The following SHOX variants were observed in gnomAD, a reference collection of about 807,000 sequenced individuals.
SHOX encodes the protein short stature homeobox protein.
In SHOX, 12 loss-of-function variants were observed where a neutral mutation model predicts 29.6. The observed-to-expected ratio is 0.41, with a 90% CI of 0.26 to 0.66. The LOEUF (loss-of-function observed/expected upper bound fraction) is 0.66, where lower values mean the gene tolerates loss of function less well. Ranked by LOEUF, SHOX falls within the 30% of genes least tolerant of loss-of-function variation. The pLI, the probability that SHOX is intolerant of heterozygous loss-of-function variation, is 0.35. For missense variants in SHOX, 499 were observed against 437.7 expected (o/e 1.14, Z -1.25); for synonymous variants, 214 against 200.6 (o/e 1.07, Z -0.57).
chrX:634,694 G>C lies in SHOX; in HGVS notation c.354G>C (p.Arg118Ser). The change falls in exon 2 of 5, where the codon AGG (arginine) becomes AGC (serine). Residue 118 changes from arginine (R) to serine (S), a missense_variant. Arg to Ser is a moderately radical substitution (Grantham distance 110). Transcript: ENST00000686671. ...DEDGQTKLKQRRSRTNFTLEQ... is the reference protein window; with the variant it reads ...DEDGQTKLKQSRSRTNFTLEQ... ...ACGGGCAGACCAAGCTGAAACAGAG[G>C]CGCAGCCGCACCAACTTCACGCTGG... 6.2e-7 allele frequency: 1 copy of C among 1,613,898 alleles called. No individual in the cohort carries two copies.
Position 645,381 on chromosome X carries a change from T to C in SHOX, c.*745T>C, listed in dbSNP as rs373739141. ...TCCCAAATTGGGTCTGGTTTTGTTT[T>C]GGATTGGTATTTTTTTTTTTTTTTT... On this transcript the variant is annotated 3_prime_UTR_variant, in exon 5 of 5. Transcript: ENST00000686671. 6.1e-5 allele frequency: 9 copies of C among 147,398 alleles called. No individual in the cohort carries two copies. The highest frequency in any genetic ancestry group is 2.2e-4 in the African/African-American group (9 of 40,146). 9.1% of individuals were successfully genotyped at this position (147,398 alleles called of 1,614,324 possible).
At chrX:635,268 G>T in intron 2 of SHOX, among the ~76,000 whole-genome samples, 1 of 152,038 alleles carries the variant, frequency 6.6e-6, no homozygotes, top group East Asian at 1.9e-4. Flanking sequence ...AGCTACAGAT[G>T]CGTTTGATCC....
upstream of SHOX, among the ~76,000 whole-genome samples, chrX:626,452 T>A (rs1390260338): frequency 7.4e-6 from 1 of 135,668 alleles, no homozygotes; most frequent in East Asian, 2.1e-4. Context: ...TTTTTCTCTT[T>A]CTCTGTATCT....
At position 649,816 on chromosome X, in the gene SHOX, C is replaced by T. The variant is rs1461929833; in HGVS notation, c.*5180C>T. The stretch of plus-strand genomic sequence containing the variant: ...TCTCCCCAAAACTTGGCCAAATAGT[C>T]CGTGGAGGGTTGTCAGTCGCCGCAG... On this transcript the variant is annotated 3_prime_UTR_variant, in exon 5 of 5. Transcript: ENST00000686671. 1 of 437,130 alleles carries T rather than the reference C, an allele frequency of 2.3e-6. No homozygotes were observed. The highest frequency in any genetic ancestry group is 4.6e-6 in the Non-Finnish European group (1 of 218,174). 27.1% of individuals were successfully genotyped at this position (437,130 alleles called of 1,614,324 possible).
chrX:641,563 C>T (rs1040660442), intron 4 of SHOX, among the ~76,000 whole-genome samples: 84 of 152,138 alleles, frequency 5.5e-4, no homozygotes, highest in Middle Eastern at 6.8e-3. Context: ...GTGGTGCACA[C>T]CTGTGATCCC....
rs1569495686 is a variant in SHOX, at chrX:648,911, T to TTCCTTC, written c.*4275_*4276insTCCTTC. Reference sequence around the variant, plus strand: ...CTTCTCCTTCCTTCCTTCCTTCCTTTCTTTCTTTTTCTTTCTTTCTCTCTT... The same window carrying TTCCTTC: ...CTTCTCCTTCCTTCCTTCCTTCCTTTTCCTTCCTTTCTTTTTCTTTCTTTCTCTCTT... On this transcript the variant is annotated 3_prime_UTR_variant, in exon 5 of 5. Transcript: ENST00000686671. Among the ~76,000 whole-genome samples, 5 of 127,414 alleles carry TTCCTTC rather than the reference T, an allele frequency of 3.9e-5. No individual in the cohort carries two copies. Among genetic ancestry groups the TTCCTTC allele is most frequent in the African/African-American group, 1.5e-4 (5 of 34,074 alleles). The allele number at this position is 127,414 out of a possible 152,430, so 83.6% of individuals were successfully genotyped here.
rs2052934526 is a variant in SHOX, at chrX:644,779, G to C, written c.*143G>C. 1 of 1,140,556 alleles carries C rather than the reference G, an allele frequency of 8.8e-7. No individual in the cohort carries two copies. 70.7% of individuals were successfully genotyped at this position (1,140,556 alleles called of 1,614,324 possible). ...CCCCGGGAGCTCCTGCAAGAGGCCT[G>C]AGGAGGGAGGCTCCCGGGACCGTCC... On this transcript the variant is annotated 3_prime_UTR_variant, in exon 5 of 5. Transcript: ENST00000686671.
upstream of SHOX, chrX:630,508 G>T: frequency 2.9e-6 from 1 of 346,274 alleles, no homozygotes; most frequent in East Asian, 6.5e-5. Flanking sequence ...GAGAGAACGC[G>T]GGTAACCTGT....
In SHOX at chrX:651,427, A is replaced by G. The variant is rs1041746043; in HGVS notation, c.*6791A>G. The stretch of plus-strand genomic sequence containing the variant: ...CAAACAAACAGAAAAAAAAACCAAA[A>G]AAAACCACCCTGAGTTTCTCTGGTG... On this transcript the variant is annotated 3_prime_UTR_variant, in exon 5 of 5. Transcript: ENST00000686671. The G allele has an allele frequency of 1.1e-5, 5 of 453,786 alleles. No individual in the cohort carries two copies. Among genetic ancestry groups the G allele is most frequent in the African/African-American group, 1.0e-4 (5 of 49,746 alleles). 28.1% of individuals were successfully genotyped at this position (453,786 alleles called of 1,614,324 possible). A position where few individuals can be genotyped will look rare whatever the true frequency, so the allele number is the denominator to read the frequency against.
intron 2 of SHOX, among the ~76,000 whole-genome samples, chrX:640,175 T>C (rs774462129): frequency 6.6e-6 from 1 of 151,606 alleles, no homozygotes; most frequent in South Asian, 2.1e-4. Context: ...TGAAACCCCA[T>C]CTCTACTAAA....
chrX:634,433 C>T (rs1302462204), intron 1 of SHOX, among the ~76,000 whole-genome samples, 185 bp from the exon 2 acceptor site: 3 of 152,212 alleles, frequency 2.0e-5, no homozygotes, highest in African/African-American at 7.2e-5. Context: ...TCGTGCAAAG[C>T]CCAGGTTTTT....
At position 630,808 on chromosome X, in the gene SHOX, T is replaced by C. The variant is rs2052633091; in HGVS notation, c.-90T>C. On this transcript the variant is annotated 5_prime_UTR_variant, in exon 1 of 5. Coordinates refer to ENST00000686671, the MANE Select transcript of SHOX (RefSeq NM_000451.4). ...GGAAAGGCGTAAATAACAGCGCTGGTGATCCACCCGCGCGCACGGGCCGTC... is the reference window on the plus strand; with the variant it reads ...GGAAAGGCGTAAATAACAGCGCTGGCGATCCACCCGCGCGCACGGGCCGTC... 2.0e-6 allele frequency: 3 copies of C among 1,506,638 alleles called. No homozygotes were observed. The highest frequency in any genetic ancestry group is 1.1e-5 in the South Asian group (1 of 88,516). The allele number at this position is 1,506,638 out of a possible 1,614,324, so 93.3% of individuals were successfully genotyped here.
At chrX:634,878 G>A (rs773959402) in intron 2 of SHOX, 52 bp downstream of exon 2, 3 of 1,529,058 alleles carry the variant, frequency 2.0e-6, no homozygotes, top group East Asian at 2.5e-5. Context: ...CCTGGTCCTC[G>A]GGAGCGCACA....
downstream of SHOX, among the ~76,000 whole-genome samples, chrX:652,966 G>C (rs1457635959): frequency 1.1e-4 from 16 of 152,290 alleles, no homozygotes; most frequent in South Asian, 2.1e-4. Context: ...GCCGGGCGCA[G>C]TGTGGCTCTC....
At chrX:635,280 G>C (rs73607261) in intron 2 of SHOX, among the ~76,000 whole-genome samples, 17,556 of 151,886 alleles carry the variant, frequency 0.12, 1,359 homozygotes, top group African/African-American at 0.21. Context: ...GTTTGATCCA[G>C]AGTGTTTTAC....
chrX:632,326 G>A (rs28659914), intron 1 of SHOX, among the ~76,000 whole-genome samples: 31,599 of 152,132 alleles, frequency 0.21, 3,389 homozygotes, highest in African/African-American at 0.25. Flanking sequence ...CTCAGAGAGA[G>A]GGGCTGGCCC....
At chrX:630,306 G>C (rs2052623188), upstream of SHOX, among the ~76,000 whole-genome samples, 1 of 74,586 alleles carries the variant, frequency 1.3e-5, no homozygotes, top group Non-Finnish European at 3.4e-5. Context: ...GGGGCGCCCG[G>C]ATCCCCCCCT....
chrX:642,796 C>A (rs2052879275), intron 4 of SHOX, among the ~76,000 whole-genome samples: 2 of 150,974 alleles, frequency 1.3e-5, no homozygotes, highest in African/African-American at 4.9e-5. Context: ...TACCTGGTTT[C>A]TCTGGAAGAG....
At chrX:634,576 A>G in intron 1 of SHOX, 42 bp from the exon 2 acceptor site, 2 of 1,605,306 alleles carry the variant, frequency 1.2e-6, no homozygotes, top group Non-Finnish European at 1.7e-6. Flanking sequence ...GTTGCGCAAA[A>G]CCTCCCCGGC....
Sources: allele counts gnomAD v4.1 joint callset (sites outside exome capture counted in the v4.1 genomes callset), GRCh38; gene constraint gnomAD v4.1.1; transcripts MANE v1.5; gene names NCBI Gene and HGNC (gene_info 2026-07-23, HGNC 2026-07-21).